Variants in TTC28 observed in about 807,000 individuals in gnomAD.
TTC28 encodes the protein tetratricopeptide repeat protein 28.
A neutral mutation model predicts 198.0 loss-of-function variants in TTC28; 61 were observed. That is an observed-to-expected ratio of 0.31 (90% CI 0.25 to 0.38). TTC28 has a LOEUF of 0.38. TTC28 is among the 10% of genes least tolerant of loss of function. The pLI, the probability that TTC28 is intolerant of heterozygous loss-of-function variation, is 1.00. For synonymous variants in TTC28, 1,171 were observed against 1,297.8 expected (o/e 0.90, Z 2.10); for missense variants, 2,678 against 3,164.0 (o/e 0.85, Z 3.69).
At chr22:28,572,440 T>C (rs1252701728) in intron 2 of TTC28, among the ~76,000 whole-genome samples, 2 of 152,156 alleles carry the variant, frequency 1.3e-5, no homozygotes, top group Non-Finnish European at 2.9e-5. Context: ...TCTATGTCAG[T>C]TGAATTCTAT....
intron 2 of TTC28, among the ~76,000 whole-genome samples, chr22:28,392,391 C>T (rs1000980869): frequency 2.6e-5 from 4 of 152,198 alleles, no homozygotes; most frequent in African/African-American, 9.6e-5. Flanking sequence ...TTCTGGGCTG[C>T]TTTGTTTACC....
chr22:28,304,127 T>C (rs891148751), intron 3 of TTC28, among the ~76,000 whole-genome samples: 5 of 151,752 alleles, frequency 3.3e-5, no homozygotes, highest in African/African-American at 1.2e-4. Flanking sequence ...CTACTAAAAA[T>C]AGAAAAAATT....
intron 5 of TTC28, among the ~76,000 whole-genome samples, chr22:28,261,806 C>T (rs1931343077): frequency 6.6e-6 from 1 of 152,110 alleles, no homozygotes; most frequent in African/African-American, 2.4e-5. Context: ...CTTCCCACTT[C>T]AGCCTCTCAA....
At chr22:28,045,918 C>T (rs1272789055) in intron 12 of TTC28, among the ~76,000 whole-genome samples, 1 of 152,102 alleles carries the variant, frequency 6.6e-6, no homozygotes, top group Non-Finnish European at 1.5e-5. Context: ...TGCAGTGAGC[C>T]GAGAAGGCAC....
At chr22:28,212,252 C>G (rs1374990849) in intron 5 of TTC28, among the ~76,000 whole-genome samples, 1 of 151,886 alleles carries the variant, frequency 6.6e-6, no homozygotes, top group Non-Finnish European at 1.5e-5. Flanking sequence ...CAAAAGCTAA[C>G]AGAAGGCAAG....
At chr22:28,349,728 G>A (rs1024583050) in intron 2 of TTC28, among the ~76,000 whole-genome samples, 2 of 152,176 alleles carry the variant, frequency 1.3e-5, no homozygotes, top group African/African-American at 4.8e-5. Flanking sequence ...AAGTGTATTA[G>A]AAACATTACA....
chr22:28,340,889 A>T (rs186838641), intron 2 of TTC28, among the ~76,000 whole-genome samples: 4 of 152,378 alleles, frequency 2.6e-5, no homozygotes, highest in African/African-American at 9.6e-5. Context: ...AAAGCAGAGA[A>T]AATAACATTT....
At chr22:28,641,994 T>C (rs988108534) in intron 1 of TTC28, among the ~76,000 whole-genome samples, 3 of 152,192 alleles carry the variant, frequency 2.0e-5, no homozygotes, top group Non-Finnish European at 2.9e-5. Flanking sequence ...GGCTTGAGAT[T>C]CTGCATTTAA....
At chr22:27,987,243 A>G (rs1169615368) in intron 21 of TTC28, among the ~76,000 whole-genome samples, 3 of 152,240 alleles carry the variant, frequency 2.0e-5, no homozygotes, top group Non-Finnish European at 2.9e-5. Context: ...TGGAACATCA[A>G]CTAAAGTCCC....
chr22:28,390,148 C>T (rs2046690757), intron 2 of TTC28, among the ~76,000 whole-genome samples: 1 of 152,134 alleles, frequency 6.6e-6, no homozygotes, highest in Admixed American at 6.5e-5. Context: ...TGTAGTTGAG[C>T]TGTTTTGAGT....
chr22:28,370,771 TAG>T (rs1457928097), intron 2 of TTC28, among the ~76,000 whole-genome samples: 1 of 152,072 alleles, frequency 6.6e-6, no homozygotes, highest in Non-Finnish European at 1.5e-5. Flanking sequence ...GAGAGAACTA[TAG>T]AGAGAGAAGG....
In TTC28 at chr22:27,982,499, C is replaced by T; in HGVS notation, c.7168G>A (p.Asp2390Asn). 6.4e-7 allele frequency: 1 copy of T among 1,551,610 alleles called. No homozygotes were observed. Among genetic ancestry groups the T allele is most frequent in the Non-Finnish European group, 8.7e-7 (1 of 1,147,004 alleles). ...GAPGTMTSKR[D>N]VLSLLNLSPR... ...GACAAATTCAACAGACTGAGGACAT[C>T]CCTTTTGGAAGTCATCGTGCCAGGA... The change falls in exon 23 of 23, where the codon GAT becomes AAT. Residue 2390 changes from aspartate (D) to asparagine (N), a missense_variant. Physicochemically the swap from Asp to Asn is conservative, Grantham distance 23. Coordinates refer to ENST00000397906, the MANE Select transcript of TTC28 (RefSeq NM_001145418.2). This position sits in a 1 kb window ranked among gnomAD's most constrained non-coding sequence, Gnocchi z 5.2.
chr22:28,082,561 C>T (rs1023985046), intron 12 of TTC28, among the ~76,000 whole-genome samples: 3 of 152,164 alleles, frequency 2.0e-5, no homozygotes, highest in Admixed American at 6.5e-5. Flanking sequence ...GATTGATATT[C>T]ACAGGTGAAC....
In TTC28 at chr22:28,567,497, T is replaced by TATATATAC. The variant is rs1555894648; in HGVS notation, c.381+62054_381+62055insGTATATAT. Reference sequence around the variant, plus strand: ...ATACATACATATATATATATATATATATATATATATATGTTTTTACCTATT... The same window carrying TATATATAC: ...ATACATACATATATATATATATATATATATATACATATATATATATGTTTTTACCTATT... On this transcript the variant is annotated intron_variant, in intron 2 of 22. Transcript: ENST00000397906. Among the ~76,000 whole-genome samples, 52 of 127,452 alleles carry TATATATAC rather than the reference T, an allele frequency of 4.1e-4. 2 individuals carry two copies. Among genetic ancestry groups the TATATATAC allele is most frequent in the African/African-American group, 1.4e-3 (50 of 35,326 alleles). 83.6% of individuals were successfully genotyped at this position (127,452 alleles called of 152,430 possible). A position where few individuals can be genotyped will look rare whatever the true frequency, so the allele number is the denominator to read the frequency against.
chr22:28,009,894 A>G (rs1384148924), intron 14 of TTC28, among the ~76,000 whole-genome samples: 1 of 152,238 alleles, frequency 6.6e-6, no homozygotes, highest in Admixed American at 6.5e-5. Context: ...CTGATACACA[A>G]TGGATCATTT....
rs183894479 is a variant in TTC28 at position 28,313,580 on chromosome 22, T to C, written c.382-6937A>G. On this transcript the variant is annotated intron_variant, in intron 2 of 22. Coordinates refer to ENST00000397906, the MANE Select transcript of TTC28 (RefSeq NM_001145418.2). Reference sequence around the variant, plus strand: ...AATATACGCAAATCAATAAACGTAATCCATCACATAAACAGAACCAATGAC... The same window carrying C: ...AATATACGCAAATCAATAAACGTAACCCATCACATAAACAGAACCAATGAC... 5.0e-3 allele frequency among the ~76,000 whole-genome samples: 766 copies of C among 152,264 alleles called. 5 individuals are homozygous for C. Among genetic ancestry groups the C allele is most frequent in the African/African-American group, 0.017 (691 of 41,542 alleles).
intron 5 of TTC28, among the ~76,000 whole-genome samples, chr22:28,292,224 CTT>C (rs1491349594): frequency 1.3e-5 from 2 of 152,102 alleles, no homozygotes; most frequent in African/African-American, 4.8e-5. Context: ...CTCTCTCTCT[CTT>C]GCCCAGACTG....
chr22:28,265,276 T>C (rs973745358), intron 5 of TTC28, among the ~76,000 whole-genome samples: 2 of 152,210 alleles, frequency 1.3e-5, no homozygotes, highest in East Asian at 3.8e-4. Context: ...ACACCATGTA[T>C]CCATCCCACG....
chr22:28,328,801 T>TAATAATAAA (rs1429478154), intron 2 of TTC28, among the ~76,000 whole-genome samples: 7 of 96,342 alleles, frequency 7.3e-5, no homozygotes, highest in African/African-American at 2.8e-4. Flanking sequence ...ATAATAATAA[T>TAATAATAAA]AATATGTTCT....
Sources: allele counts gnomAD v4.1 joint callset (sites outside exome capture counted in the v4.1 genomes callset), GRCh38; gene constraint gnomAD v4.1.1; non-coding constraint Gnocchi (gnomAD v3.1); transcripts MANE v1.5; gene names NCBI Gene and HGNC (gene_info 2026-07-23, HGNC 2026-07-21).